LRMDA: variants seen among roughly 807,000 people sequenced by gnomAD.
The protein encoded by LRMDA is leucine-rich melanocyte differentiation-associated protein.
LRMDA carries 18 observed loss-of-function variants against 29.8 expected under a neutral mutation model. The observed-to-expected ratio is 0.60, with a 90% CI of 0.42 to 0.90. The LOEUF (loss-of-function observed/expected upper bound fraction) is 0.90, where lower values mean the gene tolerates loss of function less well. Among genes scored for constraint, LRMDA ranks in the 40% least tolerant of loss-of-function variants. The probability of loss-of-function intolerance (pLI) is 0.00; values close to 1 mark genes in which losing one functional copy is unlikely to be tolerated. For synonymous variants in LRMDA, 125 were observed against 109.4 expected, an observed-to-expected ratio of 1.14 and a Z score of -0.89; for missense variants, 273 against 273.9, an observed-to-expected ratio of 1.00 and a Z score of 0.02.
chr10:75,868,637 C>G (rs1044612327), intron 2 of LRMDA, among the ~76,000 whole-genome samples: 1 of 152,084 alleles, frequency 6.6e-6, no homozygotes, highest in African/African-American at 2.4e-5. Flanking sequence ...TTTTCACTTT[C>G]TTAGACTCTG....
chr10:75,786,081 G>A (rs139530589), intron 2 of LRMDA, among the ~76,000 whole-genome samples: 4 of 152,328 alleles, frequency 2.6e-5, no homozygotes, highest in Middle Eastern at 3.4e-3. Context: ...CACTGCATGC[G>A]ATATGCTGGA....
intron 5 of LRMDA, among the ~76,000 whole-genome samples, chr10:76,322,063 G>A (rs1275538102): frequency 6.6e-6 from 1 of 152,080 alleles, no homozygotes; most frequent in African/African-American, 2.4e-5. Flanking sequence ...CTTAACCCAG[G>A]TAAAAGAAAA....
intron 5 of LRMDA, among the ~76,000 whole-genome samples, chr10:76,173,127 A>T (rs1850868793): frequency 6.6e-6 from 1 of 152,222 alleles, no homozygotes; most frequent in African/African-American, 2.4e-5. Context: ...TGTCTAGACC[A>T]AAAGCACTCT....
At chr10:76,389,619 A>G (rs1841699843) in intron 6 of LRMDA, among the ~76,000 whole-genome samples, 1 of 152,164 alleles carries the variant, frequency 6.6e-6, no homozygotes, top group Non-Finnish European at 1.5e-5. Flanking sequence ...CATACTCATT[A>G]AACACTAACT....
At chr10:75,477,083 T>C (rs564821121) in intron 2 of LRMDA, among the ~76,000 whole-genome samples, 43 of 152,144 alleles carry the variant, frequency 2.8e-4, no homozygotes, top group Middle Eastern at 3.4e-3. Context: ...CTTGAACTCT[T>C]GGGCCCCAGT....
chr10:76,246,064 G>T (rs1222626565), intron 5 of LRMDA, among the ~76,000 whole-genome samples: 1 of 152,256 alleles, frequency 6.6e-6, no homozygotes, highest in South Asian at 2.1e-4. Flanking sequence ...TCATTGACGA[G>T]GAAGCTGAGA....
chr10:75,438,149 A>G (rs757100577), intron 1 of LRMDA, among the ~76,000 whole-genome samples: 2 of 152,166 alleles, frequency 1.3e-5, no homozygotes, highest in Admixed American at 1.3e-4. Context: ...TTTTAGTCCA[A>G]TTTCCATTGT....
chr10:75,599,142 C>T (rs1376410277), intron 2 of LRMDA, among the ~76,000 whole-genome samples: 2 of 146,404 alleles, frequency 1.4e-5, no homozygotes, highest in Admixed American at 6.6e-5. Flanking sequence ...TACCGGCTGG[C>T]GTTCACGGCC....
At chr10:75,618,699 TTA>T (rs1445855867) in intron 2 of LRMDA, among the ~76,000 whole-genome samples, 1 of 150,210 alleles carries the variant, frequency 6.7e-6, no homozygotes, top group Non-Finnish European at 1.5e-5. Context: ...TGTATATATA[TTA>T]TATACTGTGT....
chr10:75,732,019 T>C (rs1842705437), intron 2 of LRMDA, among the ~76,000 whole-genome samples: 1 of 152,238 alleles, frequency 6.6e-6, no homozygotes, highest in South Asian at 2.1e-4. Flanking sequence ...ACTAAGTATT[T>C]GTTAAATGAA....
chr10:76,195,609 A>G (rs1366675630), intron 5 of LRMDA, among the ~76,000 whole-genome samples: 1 of 152,182 alleles, frequency 6.6e-6, no homozygotes, highest in African/African-American at 2.4e-5. Context: ...AAAGAACCCC[A>G]TAAATTTAGC....
At chr10:75,957,197 G>A (rs1159702488) in intron 2 of LRMDA, among the ~76,000 whole-genome samples, 1 of 152,208 alleles carries the variant, frequency 6.6e-6, no homozygotes, top group Non-Finnish European at 1.5e-5. Flanking sequence ...AATAGTCTTT[G>A]TATTTGAGTA....
chr10:76,048,859 G>A (rs1848484863), intron 4 of LRMDA, among the ~76,000 whole-genome samples: 1 of 152,144 alleles, frequency 6.6e-6, no homozygotes, highest in African/African-American at 2.4e-5. Flanking sequence ...GAGCTGAGTT[G>A]TCTTGACTCT....
intron 6 of LRMDA, chr10:76,402,189 T>G (rs1469776775): frequency 1.3e-5 from 2 of 152,132 alleles, no homozygotes; most frequent in Admixed American, 1.3e-4. Context: ...TGGGGCAGTT[T>G]CTAGGCAGAA....
chr10:75,964,968 G>A (rs189126797), intron 2 of LRMDA, among the ~76,000 whole-genome samples: 2 of 152,268 alleles, frequency 1.3e-5, no homozygotes, highest in African/African-American at 4.8e-5. Context: ...GTTTCGCCAT[G>A]TTGGCGAGGC....
At chr10:76,083,415 T>G (rs1849078943) in intron 5 of LRMDA, among the ~76,000 whole-genome samples, 1 of 152,190 alleles carries the variant, frequency 6.6e-6, no homozygotes, top group African/African-American at 2.4e-5. Context: ...TGGGGCCCTG[T>G]GTAACATGGC....
intron 2 of LRMDA, among the ~76,000 whole-genome samples, chr10:75,552,096 T>A (rs59648504): frequency 0.015 from 2,310 of 152,160 alleles, 63 homozygotes; most frequent in African/African-American, 0.053. Context: ...AAACAATCTG[T>A]CTTTTATTAT....
intron 1 of LRMDA, among the ~76,000 whole-genome samples, chr10:75,432,869 G>C (rs1038017203): frequency 9.2e-5 from 14 of 152,168 alleles, no homozygotes; most frequent in African/African-American, 3.4e-4. Flanking sequence ...AGTGCCTACT[G>C]TATGCCAGGC....
chr10:76,539,677 T>C (rs1843331439), intron 6 of LRMDA, among the ~76,000 whole-genome samples: 1 of 152,166 alleles, frequency 6.6e-6, no homozygotes, highest in South Asian at 2.1e-4. Flanking sequence ...CTGACCTCCT[T>C]CAGTCAAGTC....
Sources: gnomAD v4.1 joint callset for allele counts (sites outside exome capture counted in the v4.1 genomes callset) on GRCh38, gnomAD v4.1.1 for gene constraint, MANE v1.5 for transcripts, NCBI Gene and HGNC (gene_info 2026-07-23, HGNC 2026-07-21) for gene names.